ARHGAP21: variants seen among roughly 807,000 people sequenced by gnomAD.
ARHGAP21 encodes the protein rho GTPase-activating protein 21.
A neutral mutation model predicts 164.6 loss-of-function variants in ARHGAP21; 38 were observed. The observed-to-expected ratio is 0.23, with a 90% CI of 0.18 to 0.30. The LOEUF (loss-of-function observed/expected upper bound fraction) is 0.30, where lower values mean the gene tolerates loss of function less well. Ranked by LOEUF, ARHGAP21 falls within the 10% of genes least tolerant of loss-of-function variation. ARHGAP21 has a pLI of 1.00. For missense variants in ARHGAP21, 1,822 were observed against 2,370.7 expected (o/e 0.77, Z 4.81); for synonymous variants, 766 against 857.9 (o/e 0.89, Z 1.87).
At chr10:24,637,587 G>A (rs960612240) in intron 4 of ARHGAP21, among the ~76,000 whole-genome samples, 3 of 152,082 alleles carry the variant, frequency 2.0e-5, no homozygotes, top group East Asian at 3.9e-4. Context: ...ATAATAAAAC[G>A]TTGGTTGGGT....
intron 19 of ARHGAP21, 43 bp downstream of exon 19, chr10:24,595,674 C>T (rs755261856): frequency 1.3e-6 from 2 of 1,560,192 alleles, no homozygotes; most frequent in African/African-American, 2.7e-5. Flanking sequence ...CCAATTGTAA[C>T]TTGAACCATT....
intron 4 of ARHGAP21, among the ~76,000 whole-genome samples, chr10:24,656,137 G>A (rs1386459832): frequency 7.1e-6 from 1 of 141,132 alleles, no homozygotes. Context: ...TCTCCGCCCG[G>A]CAGCCACCCC....
chr10:24,700,826 C>A (rs1843607067), intron 2 of ARHGAP21, among the ~76,000 whole-genome samples: 1 of 152,170 alleles, frequency 6.6e-6, no homozygotes, highest in Non-Finnish European at 1.5e-5. Flanking sequence ...GAAGGCAGAG[C>A]TTTAATGTGT....
At chr10:24,683,505 T>A (rs1381479779) in intron 2 of ARHGAP21, among the ~76,000 whole-genome samples, 1 of 152,146 alleles carries the variant, frequency 6.6e-6, no homozygotes, top group Non-Finnish European at 1.5e-5. Flanking sequence ...TTTTGTTTTT[T>A]TTTTGAGACA....
rs568570281 is a variant in ARHGAP21 at position 24,597,847 on chromosome 10, G to T, written c.3197+98C>A. On this transcript the variant is annotated intron_variant, in intron 15 of 25. Coordinates refer to ENST00000396432, the MANE Select transcript of ARHGAP21 (RefSeq NM_020824.4). ...GATTTGGTACTATCTGCGGTTTCAA[G>T]CATCCACTGGGGGTCTTGGAATGTA... is the stretch of plus-strand genomic sequence containing the variant. 6 of 1,313,466 alleles carry T rather than the reference G, an allele frequency of 4.6e-6. No homozygotes were observed. The South Asian group carries it at 8.0e-5, about 17-fold the overall frequency. The allele number at this position is 1,313,466 out of a possible 1,614,324, so 81.4% of individuals were successfully genotyped here. A position where few individuals can be genotyped will look rare whatever the true frequency, so the allele number is the denominator to read the frequency against.
rs1258743427 is a variant in ARHGAP21, at chr10:24,635,373, T to C, written c.269-270A>G. On this transcript the variant is annotated intron_variant, in intron 4 of 25. Coordinates refer to ENST00000396432, the MANE Select transcript of ARHGAP21 (RefSeq NM_020824.4). ...GTATGTCAGTTGCCACACTAAATAC[T>C]GTATCTCAGAGCTAATTTCCACAGC... Among the ~76,000 whole-genome samples the C allele has an allele frequency of 2.6e-5, 4 of 152,218 alleles. No individual in the cohort carries two copies. The South Asian group carries it at 6.2e-4, about 24-fold the overall frequency.
At chr10:24,715,216 T>A (rs1845246608) in intron 2 of ARHGAP21, among the ~76,000 whole-genome samples, 1 of 152,164 alleles carries the variant, frequency 6.6e-6, no homozygotes, top group Non-Finnish European at 1.5e-5. Context: ...TATTGTCATT[T>A]TGGTAATAAA....
intron 2 of ARHGAP21, among the ~76,000 whole-genome samples, chr10:24,714,921 T>C (rs1291347422): frequency 4.0e-5 from 6 of 151,464 alleles, no homozygotes; most frequent in Non-Finnish European, 5.9e-5. Context: ...TCCCAGCTAC[T>C]CGGGAGGCTG....
Position 24,597,598 on chromosome 10 carries a change from G to T in ARHGAP21, c.3198-15C>A. 1 of 1,613,362 alleles carries T rather than the reference G, an allele frequency of 6.2e-7. No individual in the cohort carries two copies. The highest frequency in any genetic ancestry group is 1.1e-5 in the South Asian group (1 of 90,850). On this transcript the variant is annotated splice_polypyrimidine_tract_variant and intron_variant, in intron 15 of 25. Coordinates refer to ENST00000396432, the MANE Select transcript of ARHGAP21 (RefSeq NM_020824.4). ...GTTCTGCTTTGCTGTTGAAGGAAAT[G>T]ACATTTGTTAACAATTACAGTAATC...
Position 24,719,336 on chromosome 10 carries a change from G to A in ARHGAP21, c.63+2501C>T, listed in dbSNP as rs146056053. ...TTGAGGCTTCCAATATATCCTGGGGGTGGGGAGGCCTAAATGTATATCATA... is the reference window on the plus strand; with the variant it reads ...TTGAGGCTTCCAATATATCCTGGGGATGGGGAGGCCTAAATGTATATCATA... On this transcript the variant is annotated intron_variant, in intron 2 of 25. Transcript: ENST00000396432. Among the ~76,000 whole-genome samples the A allele has an allele frequency of 6.1e-3, 933 of 152,250 alleles. 3 individuals are homozygous for A. Among genetic ancestry groups the A allele is most frequent in the Non-Finnish European group, 0.01 (690 of 68,016 alleles).
At position 24,585,781 on chromosome 10, in the gene ARHGAP21, G is replaced by T. The variant is rs775462639; in HGVS notation, c.4508C>A (p.Pro1503His). 5 of 1,613,904 alleles carry T rather than the reference G, an allele frequency of 3.1e-6. No homozygotes were observed. Among genetic ancestry groups the T allele is most frequent in the South Asian group, 1.1e-5 (1 of 91,070 alleles). The change falls in exon 26 of 26, where the codon CCC becomes CAC. Residue 1503 changes from proline (P) to histidine (H), a missense_variant. Around this residue, in one of 5 missense-constraint regions of ARHGAP21, gnomAD observed 333 missense variants for 383.9 expected, o/e 0.87. Transcript: ENST00000396432. ...GTGTTTTGAGTTGTGTGGTGGTGAG[G>T]GTTCTTCAGAAGGCGTGCTCTCTTT... The part of the protein sequence containing the change: ...LGKESTPSEE[P>H]SPPHNSKHNK...
At chr10:24,710,765 G>A (rs1844703247) in intron 2 of ARHGAP21, among the ~76,000 whole-genome samples, 1 of 152,134 alleles carries the variant, frequency 6.6e-6, no homozygotes, top group Non-Finnish European at 1.5e-5. Flanking sequence ...ATTATCATCA[G>A]TTGTAGGCAA....
At chr10:24,688,392 C>G (rs1028122391) in intron 2 of ARHGAP21, among the ~76,000 whole-genome samples, 1 of 145,668 alleles carries the variant, frequency 6.9e-6, no homozygotes, top group Non-Finnish European at 1.5e-5. Flanking sequence ...GACTCCGTCT[C>G]AAAAAAAAAA....
intron 21 of ARHGAP21, among the ~76,000 whole-genome samples, chr10:24,592,411 A>G (rs2076373982): frequency 6.6e-6 from 1 of 152,224 alleles, no homozygotes; most frequent in African/African-American, 2.4e-5. Flanking sequence ...ATGCATAATT[A>G]GCATTCATTT....
chr10:24,645,840 A>G (rs934555688), intron 4 of ARHGAP21, among the ~76,000 whole-genome samples: 2 of 152,156 alleles, frequency 1.3e-5, no homozygotes, highest in Non-Finnish European at 2.9e-5. Context: ...AAGTAATATG[A>G]GAAATGGTGA....
chr10:24,692,730 G>C (rs1180045533), intron 2 of ARHGAP21, among the ~76,000 whole-genome samples: 1 of 152,146 alleles, frequency 6.6e-6, no homozygotes, highest in Non-Finnish European at 1.5e-5. Context: ...TACTCAGGAG[G>C]CTGAGGCAGG....
intron 2 of ARHGAP21, among the ~76,000 whole-genome samples, chr10:24,719,130 C>CACA (rs1565215396): frequency 3.4e-5 from 5 of 148,010 alleles, no homozygotes; most frequent in Admixed American, 6.8e-5. Context: ...CACACACACA[C>CACA]CCCAAAAATC....
At chr10:24,669,027 T>G (rs1840455577) in intron 3 of ARHGAP21, among the ~76,000 whole-genome samples, 1 of 152,164 alleles carries the variant, frequency 6.6e-6, no homozygotes, top group Non-Finnish European at 1.5e-5. Flanking sequence ...TCAGCTAGAT[T>G]CTTAAGAGAT....
At chr10:24,639,379 G>A (rs1050614687) in intron 4 of ARHGAP21, among the ~76,000 whole-genome samples, 1 of 152,022 alleles carries the variant, frequency 6.6e-6, no homozygotes, top group African/African-American at 2.4e-5. Context: ...TTCCTACCTC[G>A]CAAGGTTGTT....
Sources: allele counts gnomAD v4.1 joint callset (sites outside exome capture counted in the v4.1 genomes callset), GRCh38; gene constraint gnomAD v4.1.1; regional missense constraint gnomAD v4.1.1; transcripts MANE v1.5; gene names NCBI Gene and HGNC (gene_info 2026-07-23, HGNC 2026-07-21).